Variants in PRXL2A observed in about 807,000 individuals in gnomAD.
PRXL2A encodes the protein peroxiredoxin-like 2A.
Under a neutral mutation model 25.6 loss-of-function variants are expected in PRXL2A, and 26 were observed. That is an observed-to-expected ratio of 1.02 (90% CI 0.74 to 1.41). PRXL2A has a LOEUF of 1.41. PRXL2A is among the 40% of genes most tolerant of loss of function. PRXL2A has a pLI of 0.00. For synonymous variants in PRXL2A, 98 were observed against 102.9 expected (o/e 0.95, Z 0.29); for missense variants, 246 against 273.9 (o/e 0.90, Z 0.72).
intron 1 of PRXL2A, chr10:80,420,195 A>G (rs1844814312): frequency 4.6e-6 from 5 of 1,096,664 alleles, no homozygotes; most frequent in Non-Finnish European, 5.5e-6. Flanking sequence ...CAGCAAGAGA[A>G]CCATTTGAGA....
intron 2 of PRXL2A, 76 bp from the exon 3 acceptor site, chr10:80,422,341 A>T: frequency 8.4e-7 from 1 of 1,184,074 alleles, no homozygotes; most frequent in Non-Finnish European, 1.3e-6. Flanking sequence ...GGCTGGACTT[A>T]GTGTGGTTCA....
Position 80,422,406 on chromosome 10 carries a change from T to TC in PRXL2A, c.179-9dup. 1 of 1,610,646 alleles carries TC rather than the reference T, an allele frequency of 6.2e-7. No homozygotes were observed. The highest frequency in any genetic ancestry group is 8.5e-7 in the Non-Finnish European group (1 of 1,176,978). On this transcript the variant is annotated splice_polypyrimidine_tract_variant and intron_variant, in intron 2 of 5. Coordinates refer to ENST00000606162, the MANE Select transcript of PRXL2A (RefSeq NM_032333.5). Reference sequence around the variant, plus strand: ...GGAGGAGATATCGAATTTCTTTTTTTCCTCTCTTAGAACCAAGGACTTTCA... The same window carrying TC: ...GGAGGAGATATCGAATTTCTTTTTTTCCCTCTCTTAGAACCAAGGACTTTCA...
At position 80,425,981 on chromosome 10, in the gene PRXL2A, A is replaced by G. The variant is rs1187994581; in HGVS notation, c.386A>G (p.Lys129Arg). The G allele has an allele frequency of 6.2e-7, 1 of 1,614,142 alleles. No homozygotes were observed. Among genetic ancestry groups the G allele is most frequent in the African/African-American group, 1.3e-5 (1 of 74,944 alleles). The part of the protein sequence containing the change: ...TEVKDFQPYF[K>R]GEIFLDEKKK... ...GTGAAGGATTTCCAGCCTTATTTCAAAGGAGAAATCTTCCTGGATGAAAAG... is the reference window on the plus strand; with the variant it reads ...GTGAAGGATTTCCAGCCTTATTTCAGAGGAGAAATCTTCCTGGATGAAAAG... The change falls in exon 4 of 6, where the codon AAA (lysine) becomes AGA (arginine). Residue 129 changes from lysine (K) to arginine (R), a missense_variant. Physicochemically the swap from Lys to Arg is conservative, Grantham distance 26. Coordinates refer to ENST00000606162, the MANE Select transcript of PRXL2A (RefSeq NM_032333.5).
At chr10:80,425,147 G>GA (rs1388811839) in intron 3 of PRXL2A, among the ~76,000 whole-genome samples, 2 of 152,146 alleles carry the variant, frequency 1.3e-5, no homozygotes, top group Non-Finnish European at 1.5e-5. Context: ...CACCAAATGT[G>GA]AAAAAAGGAT....
At chr10:80,422,659 T>G in intron 3 of PRXL2A, 151 bp downstream of exon 3, 1 of 531,024 alleles carries the variant, frequency 1.9e-6, no homozygotes, top group Non-Finnish European at 3.2e-6. Context: ...CTTTGATTTG[T>G]GCTCTTTTTT....
In PRXL2A at chr10:80,420,565, A is replaced by T; in HGVS notation, c.98A>T (p.Asn33Ile). 1 of 1,614,022 alleles carries T rather than the reference A, an allele frequency of 6.2e-7. No individual in the cohort carries two copies. Among genetic ancestry groups the T allele is most frequent in the Non-Finnish European group, 8.5e-7 (1 of 1,179,968 alleles). ...GCTGCCTTGGCATTGCTGCTTGCCA[A>T]CACAGACGTGTTTCTGTCCAAGCCC... is the stretch of plus-strand genomic sequence containing the variant. ...GAAALALLLA[N>I]TDVFLSKPQK... Residue 33 changes from asparagine (N) to isoleucine (I), a missense_variant, in exon 2 of 6, where the codon AAC becomes ATC. By Grantham distance (149) the Asn-to-Ile change is moderately radical. Coordinates refer to ENST00000606162, the MANE Select transcript of PRXL2A (RefSeq NM_032333.5).
In PRXL2A at chr10:80,432,026, A is replaced by C. The variant is rs2131919688; in HGVS notation, c.617A>C (p.Lys206Thr). Reference sequence around the variant, plus strand: ...CACCGAGAAAAAGAATTTGGAGACAAAGTAAACCTACTTTCTGTTCTGGAA... The same window carrying C: ...CACCGAGAAAAAGAATTTGGAGACACAGTAAACCTACTTTCTGTTCTGGAA... ...LEHREKEFGD[K>T]VNLLSVLEAA... The change falls in exon 6 of 6, where the codon AAA becomes ACA. Residue 206 changes from lysine (K) to threonine (T), a missense_variant. Lys to Thr is a moderately conservative substitution (Grantham distance 78, BLOSUM62 -1). Transcript: ENST00000606162. 6.2e-7 allele frequency: 1 copy of C among 1,611,584 alleles called. No individual in the cohort carries two copies. The highest frequency in any genetic ancestry group is 8.5e-7 in the Non-Finnish European group (1 of 1,179,354).
chr10:80,428,034 A>G (rs925575263), intron 5 of PRXL2A, among the ~76,000 whole-genome samples: 4 of 152,236 alleles, frequency 2.6e-5, no homozygotes, highest in Admixed American at 2.0e-4. Context: ...AATAAGGAAT[A>G]GAACCAGGCG....
intron 1 of PRXL2A, among the ~76,000 whole-genome samples, chr10:80,410,132 T>C (rs34894697): frequency 0.2 from 29,826 of 152,292 alleles, 3,142 homozygotes; most frequent in South Asian, 0.35. Context: ...TCTGTCCCTA[T>C]CTAAGCAATA....
Position 80,435,906 on chromosome 10 carries a change from T to C in PRXL2A, c.*3807T>C, listed in dbSNP as rs145136658. On this transcript the variant is annotated 3_prime_UTR_variant, in exon 6 of 6. Coordinates refer to ENST00000606162, the MANE Select transcript of PRXL2A (RefSeq NM_032333.5). ...GTTTCAGCAGCCTTTGACAAGCATT[T>C]GCAGGTTTCCTTTTTATTTATTTGA... 9.6e-4 allele frequency: 146 copies of C among 152,324 alleles called. 2 individuals carry two copies. Among genetic ancestry groups the C allele is most frequent in the African/African-American group, 3.4e-3 (143 of 41,546 alleles). The allele number at this position is 152,324 out of a possible 1,614,324, so 9.4% of individuals were successfully genotyped here. A position where few individuals can be genotyped will look rare whatever the true frequency, so the allele number is the denominator to read the frequency against.
chr10:80,418,454 C>T (rs1290621210), intron 1 of PRXL2A, among the ~76,000 whole-genome samples: 2 of 151,934 alleles, frequency 1.3e-5, no homozygotes, highest in Non-Finnish European at 2.9e-5. Flanking sequence ...CCAACTCACT[C>T]CCACCCCCAC....
upstream of PRXL2A, chr10:80,408,071 G>C (rs1176600895): frequency 6.6e-6 from 1 of 152,186 alleles, no homozygotes; most frequent in Non-Finnish European, 1.5e-5. Flanking sequence ...AGGGAACGTG[G>C]GTGGAGGATT....
At chr10:80,413,106 G>T (rs1298174551) in intron 1 of PRXL2A, among the ~76,000 whole-genome samples, 1 of 152,122 alleles carries the variant, frequency 6.6e-6, no homozygotes, top group Non-Finnish European at 1.5e-5. Flanking sequence ...CAAATGAACA[G>T]TAAAATGTGA....
chr10:80,421,766 T>G (rs1844873455), intron 2 of PRXL2A, among the ~76,000 whole-genome samples: 1 of 152,144 alleles, frequency 6.6e-6, no homozygotes, highest in Non-Finnish European at 1.5e-5. Context: ...CCAGACATTG[T>G]GGTGAGCACT....
intron 1 of PRXL2A, chr10:80,409,125 T>G (rs866596468): frequency 9.4e-6 from 9 of 958,206 alleles, no homozygotes; most frequent in Non-Finnish European, 1.1e-5. Flanking sequence ...TCGTGTCTTT[T>G]AAGAGGGCAC....
At chr10:80,417,105 G>A (rs1844686951) in intron 1 of PRXL2A, among the ~76,000 whole-genome samples, 1 of 152,212 alleles carries the variant, frequency 6.6e-6, no homozygotes, top group East Asian at 1.9e-4. Context: ...GGACTCAGAT[G>A]CAATAATTCT....
rs75870791 is a variant in PRXL2A, at chr10:80,412,059, C to T, written c.-3+3416C>T. Among the ~76,000 whole-genome samples the T allele has an allele frequency of 8.3e-3, 1,262 of 152,204 alleles. 14 individuals are homozygous for T. Among genetic ancestry groups the T allele is most frequent in the African/African-American group, 0.029 (1,205 of 41,542 alleles). On this transcript the variant is annotated intron_variant, in intron 1 of 5. Coordinates refer to ENST00000606162, the MANE Select transcript of PRXL2A (RefSeq NM_032333.5). The stretch of plus-strand genomic sequence containing the variant: ...AAGGAGGCAGGGTGAATGTGCACAC[C>T]CAGCAGAAGAACAGTGGTGGCAGGG...
rs201735051 is a variant in PRXL2A, at chr10:80,426,032, C to A, written c.411+26C>A. ...GTGTGTGTGATGGGAGGCTTTTAGA[C>A]ACAGACTGCTGGGGATTGTGCTCAG... On this transcript the variant is annotated intron_variant, in intron 4 of 5. Coordinates refer to ENST00000606162, the MANE Select transcript of PRXL2A (RefSeq NM_032333.5). 3.4e-5 allele frequency: 55 copies of A among 1,613,722 alleles called. No homozygotes were observed. The African/African-American group carries it at 6.7e-4, about 20-fold the overall frequency.
chr10:80,436,025 T>C lies in PRXL2A; in HGVS notation c.*3926T>C, dbSNP rs748072597. 4 of 151,774 alleles carry C rather than the reference T, an allele frequency of 2.6e-5. No homozygotes were observed. The highest frequency in any genetic ancestry group is 5.9e-5 in the Non-Finnish European group (4 of 67,996). 9.4% of individuals were successfully genotyped at this position (151,774 alleles called of 1,614,324 possible). A position where few individuals can be genotyped will look rare whatever the true frequency, so the allele number is the denominator to read the frequency against. On this transcript the variant is annotated 3_prime_UTR_variant, in exon 6 of 6. Coordinates refer to ENST00000606162, the MANE Select transcript of PRXL2A (RefSeq NM_032333.5). ...AAAGCTGGTGGTTCTCAATCTCGGA[T>C]ACACAGTAGAATCACCTGGTGCGGG... is the stretch of plus-strand genomic sequence containing the variant.
Sources: gnomAD v4.1 joint callset for allele counts (sites outside exome capture counted in the v4.1 genomes callset) on GRCh38, gnomAD v4.1.1 for gene constraint, MANE v1.5 for transcripts, NCBI Gene and HGNC (gene_info 2026-07-23, HGNC 2026-07-21) for gene names.